The following TENM3 variants were observed in gnomAD, a reference collection of about 807,000 sequenced individuals.
TENM3 encodes the protein teneurin-3.
In TENM3, 63 loss-of-function variants were observed where a neutral mutation model predicts 255.1. That is an observed-to-expected ratio of 0.25 (90% CI 0.20 to 0.30). The LOEUF is 0.30. TENM3 is among the 10% of genes least tolerant of loss of function. TENM3 has a pLI of 1.00. For synonymous variants in TENM3, 1,306 were observed against 1,322.3 expected, an observed-to-expected ratio of 0.99 and a Z score of 0.27; for missense variants, 2,929 against 3,461.1, an observed-to-expected ratio of 0.85 and a Z score of 3.86.
intron 1 of TENM3, among the ~76,000 whole-genome samples, chr4:182,238,201 TG>T (rs1438876739): frequency 6.6e-6 from 1 of 152,138 alleles, no homozygotes; most frequent in African/African-American, 2.4e-5. Flanking sequence ...TATGTGAGTC[TG>T]GGGTCGTCGG....
At chr4:182,049,990 A>T in the TENM3 span, among the ~76,000 whole-genome samples, 1 of 110,858 alleles carries the variant, frequency 9.0e-6, no homozygotes, top group Non-Finnish European at 2.1e-5. Context: ...ATTTTTTTTA[A>T]TTAAAAAAAA....
chr4:181,694,326 C>G, the TENM3 span, among the ~76,000 whole-genome samples: 1 of 152,166 alleles, frequency 6.6e-6, no homozygotes, highest in East Asian at 1.9e-4. Flanking sequence ...ATTTTAGAAA[C>G]TTTACTCAAG....
chr4:181,848,886 T>C, the TENM3 span, among the ~76,000 whole-genome samples: 2 of 152,182 alleles, frequency 1.3e-5, no homozygotes, highest in South Asian at 4.1e-4. Context: ...CAAACCTTTT[T>C]GCTTCTGGAA....
intron 4 of TENM3, among the ~76,000 whole-genome samples, chr4:182,611,097 A>G (rs1748959401): frequency 1.3e-5 from 2 of 152,054 alleles, no homozygotes; most frequent in Admixed American, 1.3e-4. Context: ...CTGAGGTCAC[A>G]TGACTAGTTA....
chr4:182,166,881 T>G (rs1315086281), intron 1 of TENM3, among the ~76,000 whole-genome samples: 1 of 152,158 alleles, frequency 6.6e-6, no homozygotes, highest in African/African-American at 2.4e-5. Flanking sequence ...TCTTGGGTTT[T>G]TTTTTTAAAG....
intron 3 of TENM3, among the ~76,000 whole-genome samples, chr4:182,485,824 A>G (rs963176811): frequency 6.6e-6 from 1 of 152,220 alleles, no homozygotes; most frequent in Non-Finnish European, 1.5e-5. Context: ...TAGTCGATTC[A>G]GAAATGCAGT....
chr4:182,785,776 CA>C (rs34456992), intron 24 of TENM3, among the ~76,000 whole-genome samples: 27,703 of 116,310 alleles, frequency 0.24, 4,315 homozygotes, highest in African/African-American at 0.47. Context: ...ATGACTGTAA[CA>C]AAAAAAAAAA....
At chr4:182,328,947 A>T (rs1157530270) in intron 2 of TENM3, among the ~76,000 whole-genome samples, 3 of 152,190 alleles carry the variant, frequency 2.0e-5, no homozygotes, top group African/African-American at 7.2e-5. Flanking sequence ...CCTGAGCGCT[A>T]GCCCATCTTG....
intron 3 of TENM3, among the ~76,000 whole-genome samples, chr4:182,429,162 G>T (rs992631654): frequency 6.6e-6 from 1 of 152,190 alleles, no homozygotes; most frequent in Non-Finnish European, 1.5e-5. Flanking sequence ...CACTCAAAAA[G>T]TGTGATTTGC....
chr4:182,225,350 G>A (rs1269637881), intron 1 of TENM3, among the ~76,000 whole-genome samples: 1 of 152,112 alleles, frequency 6.6e-6, no homozygotes, highest in Non-Finnish European at 1.5e-5. Context: ...AGATGAGTTG[G>A]AGCCTGGTCT....
intron 1 of TENM3, among the ~76,000 whole-genome samples, chr4:182,271,384 T>C (rs1759610689): frequency 6.6e-6 from 1 of 152,142 alleles, no homozygotes; most frequent in Non-Finnish European, 1.5e-5. Flanking sequence ...AAACAAAAGC[T>C]CTTTTTTCTC....
At chr4:181,767,286 T>A in the TENM3 span, among the ~76,000 whole-genome samples, 83,184 of 142,746 alleles carry the variant, frequency 0.58, 24,240 homozygotes, top group East Asian at 0.78. Context: ...GAAAACAAAA[T>A]CACAGTCAAT....
rs72995440 is a variant in TENM3, at chr4:182,396,454, T to G, written c.511+49525T>G. ...TGCAGCTATCTACTTCACAGGTTGTTGTGATTCTTAAATAAAACAACAGTG... is the reference window on the plus strand; with the variant it reads ...TGCAGCTATCTACTTCACAGGTTGTGGTGATTCTTAAATAAAACAACAGTG... On this transcript the variant is annotated intron_variant, in intron 3 of 27. Coordinates refer to ENST00000511685, the MANE Select transcript of TENM3 (RefSeq NM_001080477.4). 3.0e-3 allele frequency among the ~76,000 whole-genome samples: 457 copies of G among 152,334 alleles called. 3 individuals carry two copies. The highest frequency in any genetic ancestry group is 0.011 in the African/African-American group (438 of 41,580).
intron 7 of TENM3, among the ~76,000 whole-genome samples, chr4:182,678,543 A>T (rs1755836545): frequency 6.6e-6 from 1 of 152,208 alleles, no homozygotes; most frequent in Non-Finnish European, 1.5e-5. Flanking sequence ...GAGGTGGAGT[A>T]GGGTGGGAGG....
chr4:182,028,372 G>T, the TENM3 span, among the ~76,000 whole-genome samples: 1 of 152,012 alleles, frequency 6.6e-6, no homozygotes. Flanking sequence ...TCTTAGTCTG[G>T]ATAAAGGCTT....
chr4:182,659,414 G>A (rs1013556774), intron 6 of TENM3, among the ~76,000 whole-genome samples: 32 of 152,070 alleles, frequency 2.1e-4, no homozygotes, highest in African/African-American at 7.5e-4. Flanking sequence ...TAATTTATAA[G>A]CTATCATAGG....
the TENM3 span, among the ~76,000 whole-genome samples, chr4:181,482,905 G>A: frequency 5.4e-3 from 823 of 152,190 alleles, 8 homozygotes; most frequent in African/African-American, 0.019. Flanking sequence ...CTTGACATAC[G>A]GTGTTCGGCC....
At chr4:182,431,990 C>T (rs1374786151) in intron 3 of TENM3, among the ~76,000 whole-genome samples, 2 of 150,700 alleles carry the variant, frequency 1.3e-5, no homozygotes, top group Non-Finnish European at 3.0e-5. Context: ...GCAGTAGAAT[C>T]GCTTGAACCT....
chr4:181,617,376 G>C, the TENM3 span, among the ~76,000 whole-genome samples: 2 of 152,170 alleles, frequency 1.3e-5, no homozygotes, highest in Non-Finnish European at 2.9e-5. Context: ...GATGTGATAG[G>C]GAATGATCAA....
Sources: gnomAD v4.1 joint callset for allele counts (sites outside exome capture counted in the v4.1 genomes callset) on GRCh38, gnomAD v4.1.1 for gene constraint, MANE v1.5 for transcripts, NCBI Gene and HGNC (gene_info 2026-07-23, HGNC 2026-07-21) for gene names.